The following SVOP variants were observed in gnomAD, a reference collection of about 807,000 sequenced individuals.
SVOP encodes the protein synaptic vesicle 2-related protein.
SVOP carries 17 observed loss-of-function variants against 69.1 expected under a neutral mutation model. The observed-to-expected ratio is 0.25, with a 90% confidence interval of 0.17 to 0.37. The LOEUF is 0.37. SVOP is among the 10% of genes least tolerant of loss of function. The probability of loss-of-function intolerance (pLI) is 1.00; values close to 1 mark genes in which losing one functional copy is unlikely to be tolerated. For synonymous variants in SVOP, 238 were observed against 238.6 expected (o/e 1.00, Z 0.02); for missense variants, 435 against 597.5 (o/e 0.73, Z 2.84).
chr12:108,953,323 T>C (rs1425077932), intron 6 of SVOP, among the ~76,000 whole-genome samples: 1 of 151,958 alleles, frequency 6.6e-6, no homozygotes, highest in Non-Finnish European at 1.5e-5. Context: ...TAATTTTGTA[T>C]TTATAGTAGA....
At chr12:108,996,317 G>A (rs1485435164) in intron 1 of SVOP, among the ~76,000 whole-genome samples, 2 of 152,126 alleles carry the variant, frequency 1.3e-5, no homozygotes, top group African/African-American at 4.8e-5. Context: ...CCACACTTTG[G>A]GAGGCCAAGA....
chr12:109,002,582 G>T (rs1430158856), intron 1 of SVOP, among the ~76,000 whole-genome samples: 2 of 150,158 alleles, frequency 1.3e-5, no homozygotes, highest in African/African-American at 4.9e-5. Flanking sequence ...TGATAGACTG[G>T]ATTAAGAAAA....
chr12:108,924,830 A>G (rs961889007), intron 11 of SVOP, among the ~76,000 whole-genome samples: 1 of 152,214 alleles, frequency 6.6e-6, no homozygotes. Flanking sequence ...AGAAACCCAG[A>G]ATCCACCAGA....
intron 1 of SVOP, among the ~76,000 whole-genome samples, chr12:109,019,755 A>G (rs1202469352): frequency 6.6e-6 from 1 of 152,240 alleles, no homozygotes; most frequent in Non-Finnish European, 1.5e-5. Context: ...AATTTTGGTG[A>G]AAACTAATTT....
At position 108,920,519 on chromosome 12, in the gene SVOP, A is replaced by T. The variant is rs552021936; in HGVS notation, c.1157-733T>A. Reference sequence around the variant, plus strand: ...ATGGGCCTAAAAAATAACACACTCTACCTCAGTAGAGGCAGTATAGCATAG... The same window carrying T: ...ATGGGCCTAAAAAATAACACACTCTTCCTCAGTAGAGGCAGTATAGCATAG... On this transcript the variant is annotated intron_variant, in intron 12 of 15. Transcript: ENST00000610966. Among the ~76,000 whole-genome samples, 6 of 151,446 alleles carry T rather than the reference A, an allele frequency of 4.0e-5. No individual in the cohort carries two copies. In the East Asian group the frequency reaches 1.2e-3, roughly 29 times the overall value.
At chr12:108,943,732 G>A (rs1464344989) in intron 7 of SVOP, among the ~76,000 whole-genome samples, 1 of 152,046 alleles carries the variant, frequency 6.6e-6, no homozygotes, top group East Asian at 1.9e-4. Flanking sequence ...GGGAATGAAG[G>A]GCAGTCAGAG....
At chr12:108,982,654 C>G (rs1446565693) in intron 2 of SVOP, among the ~76,000 whole-genome samples, 1 of 150,886 alleles carries the variant, frequency 6.6e-6, no homozygotes, top group Non-Finnish European at 1.5e-5. Context: ...CCATCACCAT[C>G]ATCATGATCA....
At chr12:108,982,397 A>T (rs1207669934) in intron 2 of SVOP, among the ~76,000 whole-genome samples, 2 of 149,598 alleles carry the variant, frequency 1.3e-5, no homozygotes, top group African/African-American at 5.0e-5. Context: ...CATCTTCATC[A>T]CTATCATCAT....
In SVOP at chr12:108,938,980, C is replaced by A. The variant is rs772350160; in HGVS notation, c.769-25G>T. The A allele has an allele frequency of 5.6e-6, 9 of 1,613,738 alleles. 1 individual carries two copies. In the Admixed American group the frequency reaches 1.3e-4, roughly 24 times the overall value. ...ACTGGGATGGGGGAGACAGGAAACCCAGGCGTGGCTGGTTAGGGTGGAACA... is the reference window on the plus strand; with the variant it reads ...ACTGGGATGGGGGAGACAGGAAACCAAGGCGTGGCTGGTTAGGGTGGAACA... On this transcript the variant is annotated intron_variant, in intron 8 of 15. Coordinates refer to ENST00000610966, the MANE Select transcript of SVOP (RefSeq NM_018711.5).
At chr12:108,938,795 A>G (rs752852531) in intron 9 of SVOP, 32 bp downstream of exon 9, 1 of 1,613,804 alleles carries the variant, frequency 6.2e-7, no homozygotes, top group Admixed American at 1.7e-5. Context: ...CCCGATACGC[A>G]CATTGCAGAG....
intron 6 of SVOP, among the ~76,000 whole-genome samples, chr12:108,958,543 TATTG>T (rs2039998386): frequency 6.6e-6 from 1 of 152,144 alleles, no homozygotes; most frequent in Non-Finnish European, 1.5e-5. Flanking sequence ...CAAAATCACC[TATTG>T]ATGCATTTTT....
In SVOP at chr12:108,927,877, T is replaced by C. The variant is rs544482190; in HGVS notation, c.1049-5080A>G. 1.2e-3 allele frequency among the ~76,000 whole-genome samples: 183 copies of C among 151,716 alleles called. 2 individuals carry two copies. The highest frequency in any genetic ancestry group is 0.01 in the Middle Eastern group (3 of 292). On this transcript the variant is annotated intron_variant, in intron 11 of 15. Coordinates refer to ENST00000610966, the MANE Select transcript of SVOP (RefSeq NM_018711.5). ...TCCCAAAGTGCTGGGATTAAAGGCA[T>C]GAGCCACCATGCTCAGCTGACAAAA...
chr12:108,974,763 G>A (rs1432000571), intron 4 of SVOP, among the ~76,000 whole-genome samples: 1 of 151,884 alleles, frequency 6.6e-6, no homozygotes, highest in African/African-American at 2.4e-5. Context: ...AAATTATATG[G>A]AGAAATGAAT....
intron 2 of SVOP, among the ~76,000 whole-genome samples, 169 bp downstream of exon 2, chr12:108,983,432 C>T (rs1453646181): frequency 6.6e-6 from 1 of 152,238 alleles, no homozygotes; most frequent in African/African-American, 2.4e-5. Context: ...GTGATGTAAC[C>T]TTGCCTGCTG....
At chr12:108,950,904 A>T (rs532361070) in intron 6 of SVOP, among the ~76,000 whole-genome samples, 2 of 152,374 alleles carry the variant, frequency 1.3e-5, no homozygotes, top group East Asian at 3.9e-4. Context: ...TATCCAAAGT[A>T]TGGCAATTAT....
rs537516234 is a variant in SVOP, at chr12:108,929,730, G to C, written c.1048+4465C>G. 7.9e-5 allele frequency among the ~76,000 whole-genome samples: 12 copies of C among 152,180 alleles called. No homozygotes were observed. In the East Asian group the frequency reaches 2.3e-3, roughly 29 times the overall value. On this transcript the variant is annotated intron_variant, in intron 11 of 15. Transcript: ENST00000610966. ...ATAAATCCCCACTTTGAATACTTGC[G>C]TATACAGAAAGGAGCCCAGTTCTAT...
Position 108,912,079 on chromosome 12 carries a change from G to T in SVOP, c.*456C>A. The T allele has an allele frequency of 1.3e-6, 1 of 776,394 alleles. No individual in the cohort carries two copies. Among genetic ancestry groups the T allele is most frequent in the Non-Finnish European group, 1.6e-6 (1 of 635,372 alleles). The allele number at this position is 776,394 out of a possible 1,614,324, so 48.1% of individuals were successfully genotyped here. Reference sequence around the variant, plus strand: ...CACCTAGATCGCCTGCAATTTCAAAGAAGAAAGCCTGGGGCTGTGAGTGTG... The same window carrying T: ...CACCTAGATCGCCTGCAATTTCAAATAAGAAAGCCTGGGGCTGTGAGTGTG... On this transcript the variant is annotated 3_prime_UTR_variant, in exon 16 of 16. Coordinates refer to ENST00000610966, the MANE Select transcript of SVOP (RefSeq NM_018711.5).
rs149383872 is a variant in SVOP, at chr12:108,968,055, T to C, written c.453+4350A>G. 5.0e-3 allele frequency among the ~76,000 whole-genome samples: 760 copies of C among 152,330 alleles called. 8 individuals carry two copies. Among genetic ancestry groups the C allele is most frequent in the African/African-American group, 0.017 (720 of 41,564 alleles). ...ATCCTACATGAATGACCATTGTGCA[T>C]TGTGGACTTTCCAGGTCAACAAAGA... On this transcript the variant is annotated intron_variant, in intron 5 of 15. Transcript: ENST00000610966.
chr12:108,922,313 T>C (rs1242283281), intron 12 of SVOP, among the ~76,000 whole-genome samples: 1 of 152,206 alleles, frequency 6.6e-6, no homozygotes, highest in Non-Finnish European at 1.5e-5. Flanking sequence ...CCCAGCTGTG[T>C]TGAAAATCCA....
Sources: allele counts gnomAD v4.1 joint callset (sites outside exome capture counted in the v4.1 genomes callset), GRCh38; gene constraint gnomAD v4.1.1; transcripts MANE v1.5; gene names NCBI Gene and HGNC (gene_info 2026-07-23, HGNC 2026-07-21).